The following RNF6 variants were observed in gnomAD, a reference collection of about 807,000 sequenced individuals.
RNF6 encodes the protein ring finger protein 6.
A neutral mutation model predicts 50.1 loss-of-function variants in RNF6; 21 were observed. The ratio of observed to expected loss-of-function variants is 0.42; its 90% CI spans 0.30 to 0.60. The LOEUF is 0.60. Ranked by LOEUF, RNF6 falls within the 20% of genes least tolerant of loss-of-function variation. The pLI, the probability that RNF6 is intolerant of heterozygous loss-of-function variation, is 0.20. For synonymous variants in RNF6, 255 were observed against 291.8 expected (o/e 0.87, Z 1.29); for missense variants, 698 against 838.2 (o/e 0.83, Z 2.07).
chr13:26,147,178 A>G (rs1449602559), intron 5 of RNF6, among the ~76,000 whole-genome samples: 1 of 152,170 alleles, frequency 6.6e-6, no homozygotes, highest in Non-Finnish European at 1.5e-5. Flanking sequence ...CATGTTCCCC[A>G]GCTTTCTGCC....
chr13:26,190,750 C>G (rs935943054), intron 5 of RNF6, among the ~76,000 whole-genome samples: 4 of 152,154 alleles, frequency 2.6e-5, no homozygotes, highest in African/African-American at 9.7e-5. Context: ...TTCTAGGCTC[C>G]AGCAATAAAA....
chr13:26,157,627 A>T (rs970447190), intron 5 of RNF6, among the ~76,000 whole-genome samples: 3 of 152,244 alleles, frequency 2.0e-5, no homozygotes, highest in Non-Finnish European at 4.4e-5. Context: ...CATCCTCAGT[A>T]ACAATCAAAG....
intron 5 of RNF6, among the ~76,000 whole-genome samples, chr13:26,148,876 A>C (rs1871406007): frequency 6.6e-6 from 1 of 151,546 alleles, no homozygotes; most frequent in African/African-American, 2.4e-5. Flanking sequence ...TGCTTCTGTT[A>C]CAGTTCAAAA....
At chr13:26,172,794 C>T (rs301052) in intron 5 of RNF6, among the ~76,000 whole-genome samples, 19,082 of 152,024 alleles carry the variant, frequency 0.13, 1,956 homozygotes, top group African/African-American at 0.29. Flanking sequence ...CCGCCCACCT[C>T]GGCCTCCCAA....
chr13:26,197,702 CT>C (rs1476966711), intron 5 of RNF6, among the ~76,000 whole-genome samples: 3 of 151,970 alleles, frequency 2.0e-5, no homozygotes, highest in East Asian at 3.9e-4. Flanking sequence ...TCCATTTTCA[CT>C]TGTTTAATTA....
chr13:26,152,308 T>A (rs2137587279), intron 5 of RNF6, among the ~76,000 whole-genome samples: 1 of 152,328 alleles, frequency 6.6e-6, no homozygotes, highest in South Asian at 2.1e-4. Context: ...AGACGCCCAA[T>A]GTTTCCAGTT....
chr13:26,158,485 G>A (rs569264693), intron 5 of RNF6, among the ~76,000 whole-genome samples: 1 of 152,256 alleles, frequency 6.6e-6, no homozygotes, highest in African/African-American at 2.4e-5. Context: ...TTATCATAGC[G>A]TTAGGGTATC....
chr13:26,151,266 CT>C lies in RNF6; in HGVS notation n.769-18816del, dbSNP rs879629924. ...CAGTTAAATCCAGATGGTCTGATATCTTTTTTTTTTTTATGAGACAGAATTT... is the reference window on the plus strand; with the variant it reads ...CAGTTAAATCCAGATGGTCTGATATCTTTTTTTTTTTATGAGACAGAATTT... On this transcript the variant is annotated intron_variant and non_coding_transcript_variant, in intron 5 of 5. Transcript: ENST00000468480. Among the ~76,000 whole-genome samples, 1,448 of 146,482 alleles carry C rather than the reference CT, an allele frequency of 9.9e-3. 5 individuals are homozygous for C. Among genetic ancestry groups the C allele is most frequent in the Non-Finnish European group, 0.014 (904 of 65,944 alleles).
At chr13:26,211,862 C>T (rs1286789540), downstream of RNF6, among the ~76,000 whole-genome samples, 2 of 152,188 alleles carry the variant, frequency 1.3e-5, no homozygotes, top group Non-Finnish European at 2.9e-5. Flanking sequence ...AAGCTATGTT[C>T]AAGATGTTTA....
chr13:26,149,917 TGTGTATATATATATACACA>T (rs1243046082), intron 5 of RNF6, among the ~76,000 whole-genome samples: 2 of 20,614 alleles, frequency 9.7e-5, no homozygotes, highest in Non-Finnish European at 2.8e-4. Context: ...GTATATATAA[TGTGTATATATATATACACA>T]GTGTATATAT....
chr13:26,175,756 C>T (rs1053645074), intron 5 of RNF6, among the ~76,000 whole-genome samples: 3 of 152,048 alleles, frequency 2.0e-5, no homozygotes, highest in African/African-American at 7.3e-5. Flanking sequence ...GTGACCTCCT[C>T]CTACGCAAGT....
intron 5 of RNF6, among the ~76,000 whole-genome samples, chr13:26,205,279 TA>T (rs1405648615): frequency 3.5e-5 from 5 of 144,742 alleles, no homozygotes; most frequent in Non-Finnish European, 1.6e-5. Flanking sequence ...ATAAAGACAT[TA>T]AAAAATACAA....
chr13:26,211,020 T>C (rs1051049873), downstream of RNF6, among the ~76,000 whole-genome samples: 1 of 152,208 alleles, frequency 6.6e-6, no homozygotes, highest in African/African-American at 2.4e-5. Context: ...AACATAATAT[T>C]CAAATGAAGA....
intron 3 of RNF6, 81 bp from the exon 4 acceptor site, chr13:26,218,687 G>C: frequency 9.7e-7 from 1 of 1,034,574 alleles, no homozygotes. Flanking sequence ...CTAATCTTTA[G>C]TAACCTATAG....
chr13:26,215,964 A>G (rs1262514957), intron 4 of RNF6, among the ~76,000 whole-genome samples: 5 of 152,228 alleles, frequency 3.3e-5, no homozygotes, highest in African/African-American at 1.2e-4. Flanking sequence ...AATAAAATAC[A>G]AAGACAAACT....
rs568402561 is a variant in RNF6, at chr13:26,144,667, A to G, written n.769-12216T>C. 5.9e-5 allele frequency among the ~76,000 whole-genome samples: 9 copies of G among 152,368 alleles called. No homozygotes were observed. In the South Asian group the frequency reaches 1.9e-3, roughly 32 times the overall value. On this transcript the variant is annotated intron_variant and non_coding_transcript_variant, in intron 5 of 5. Transcript: ENST00000468480. The stretch of plus-strand genomic sequence containing the variant: ...GGGATGTAGTGCTGCAGCTGCACAC[A>G]TTCAGGTATTGTCTCCATATTGTGC...
In RNF6 at chr13:26,181,975, C is replaced by T. The variant is rs116716350; in HGVS notation, n.768+33499G>A. 3.7e-3 allele frequency among the ~76,000 whole-genome samples: 563 copies of T among 152,264 alleles called. 6 individuals are homozygous for T. The highest frequency in any genetic ancestry group is 0.013 in the African/African-American group (544 of 41,552). ...ACCCAGGATCTAATCAAGGATCAAA[C>T]AGCTAGCCTTCTTTAATCTGGAACA... is the stretch of plus-strand genomic sequence containing the variant. On this transcript the variant is annotated intron_variant and non_coding_transcript_variant, in intron 5 of 5. Coordinates refer to the RNF6 transcript ENST00000468480.
At chr13:26,183,072 A>C (rs1316339022) in intron 5 of RNF6, among the ~76,000 whole-genome samples, 1 of 152,168 alleles carries the variant, frequency 6.6e-6, no homozygotes, top group African/African-American at 2.4e-5. Context: ...CCTTTCCCCC[A>C]GTTTAGCCTC....
intron 5 of RNF6, among the ~76,000 whole-genome samples, chr13:26,183,519 C>T (rs891015574): frequency 6.6e-6 from 1 of 152,292 alleles, no homozygotes; most frequent in Non-Finnish European, 1.5e-5. Context: ...GATCAGGACT[C>T]TAATTCACTT....
Sources: gnomAD v4.1 joint callset for allele counts (sites outside exome capture counted in the v4.1 genomes callset) on GRCh38, gnomAD v4.1.1 for gene constraint, MANE v1.5 for transcripts, NCBI Gene and HGNC (gene_info 2026-07-23, HGNC 2026-07-21) for gene names.